The following RIPOR3 variants were observed in gnomAD, a reference collection of about 807,000 sequenced individuals.
The protein encoded by RIPOR3 is RIPOR family member 3.
RIPOR3 carries 95 observed loss-of-function variants against 114.3 expected under a neutral mutation model. The ratio of observed to expected loss-of-function variants is 0.83; its 90% CI spans 0.70 to 0.99. RIPOR3 has a LOEUF of 0.99. Ranked by LOEUF, RIPOR3 falls within the 50% of genes least tolerant of loss-of-function variation. The pLI is 0.00. For missense variants in RIPOR3, 1,252 were observed against 1,266.9 expected (o/e 0.99, Z 0.18); for synonymous variants, 575 against 543.8 (o/e 1.06, Z -0.80).
chr20:50,613,213 C>T (rs11697246), intron 4 of RIPOR3, among the ~76,000 whole-genome samples: 2,308 of 152,096 alleles, frequency 0.015, 23 homozygotes, highest in East Asian at 0.024. Context: ...TTTGGGAGGC[C>T]GAGGTGAGTG....
chr20:50,595,318 G>C, intron 16 of RIPOR3, 51 bp downstream of exon 16: 1 of 1,594,526 alleles, frequency 6.3e-7, no homozygotes, highest in Non-Finnish European at 8.6e-7. Context: ...CTTTGATCCC[G>C]TCCCCGTGCC....
chr20:50,666,199 T>TTTCTTTTTTTCC (rs2086215683), intron 1 of RIPOR3, among the ~76,000 whole-genome samples: 1 of 102,834 alleles, frequency 9.7e-6, no homozygotes, highest in African/African-American at 4.9e-5. Context: ...TTTCTTTTCT[T>TTTCTTTTTTTCC]TTCTTTTCTT....
intron 3 of RIPOR3, among the ~76,000 whole-genome samples, chr20:50,618,349 G>T (rs902538135): frequency 2.0e-5 from 3 of 148,876 alleles, no homozygotes; most frequent in African/African-American, 7.5e-5. Context: ...TATATCTGGG[G>T]AAAATCACTC....
At chr20:50,608,245 G>T in intron 11 of RIPOR3, 144 bp downstream of exon 11, 1 of 1,140,130 alleles carries the variant, frequency 8.8e-7, no homozygotes, top group Non-Finnish European at 1.2e-6. Context: ...TGACTGAGGG[G>T]TGGGAGTGAG....
At chr20:50,645,447 G>A (rs2123359443) in intron 1 of RIPOR3, 1 of 152,428 alleles carries the variant, frequency 6.6e-6, no homozygotes, top group Middle Eastern at 3.4e-3. Context: ...AGGGCGAGGT[G>A]GGGCCGGGGG....
At chr20:50,649,751 G>C (rs1025945549) in intron 1 of RIPOR3, among the ~76,000 whole-genome samples, 1 of 152,234 alleles carries the variant, frequency 6.6e-6, no homozygotes. Flanking sequence ...TGAGTTTACA[G>C]GGAAGCGCTC....
intron 1 of RIPOR3, among the ~76,000 whole-genome samples, chr20:50,666,183 A>ATTTCTTTTTTC (rs534286175): frequency 0.014 from 608 of 43,660 alleles, 155 homozygotes; most frequent in South Asian, 0.052. Context: ...AAGGACACCC[A>ATTTCTTTTTTC]TTTCTTTTCT....
At chr20:50,605,727 G>A (rs550427879) in intron 11 of RIPOR3, among the ~76,000 whole-genome samples, 2 of 151,522 alleles carry the variant, frequency 1.3e-5, no homozygotes, top group East Asian at 1.9e-4. Context: ...GCAGTGAGCC[G>A]AGATCATGCC....
rs746052863 is a variant in RIPOR3 at position 50,592,351 on chromosome 20, C to G, written c.2570G>C (p.Arg857Pro). Residue 857 changes from arginine to proline, a missense_variant, in exon 19 of 22, where the codon CGG becomes CCG. By Grantham distance (103) the Arg-to-Pro change is moderately radical. Coordinates refer to ENST00000327979, the MANE Select transcript of RIPOR3 (RefSeq NM_001290268.2). Reference sequence around the variant, plus strand: ...CTGCCCTGGACAACGTACCTTTTCCCGGAAGCTTCTGTTCCTGACTGCACC... The same window carrying G: ...CTGCCCTGGACAACGTACCTTTTCCGGGAAGCTTCTGTTCCTGACTGCACC... Reference protein sequence around the residue: ...LAGAVRNRSFREKALLFYTNA... With the variant: ...LAGAVRNRSFPEKALLFYTNA... 1 of 1,570,886 alleles carries G rather than the reference C, an allele frequency of 6.4e-7. No homozygotes were observed. The highest frequency in any genetic ancestry group is 8.7e-7 in the Non-Finnish European group (1 of 1,153,334).
intron 12 of RIPOR3, among the ~76,000 whole-genome samples, chr20:50,603,428 G>A (rs536000596): frequency 2.0e-5 from 3 of 152,088 alleles, no homozygotes; most frequent in Non-Finnish European, 2.9e-5. Flanking sequence ...TAGTAGAGAC[G>A]GGGTTTCACC....
intron 15 of RIPOR3, 137 bp from the exon 16 acceptor site, chr20:50,595,641 C>A (rs534744467): frequency 5.5e-6 from 7 of 1,266,446 alleles, no homozygotes; most frequent in Non-Finnish European, 7.6e-6. Flanking sequence ...TTGGGGATTC[C>A]CCTTTCACCA....
chr20:50,666,222 C>CTTTT (rs199682722), intron 1 of RIPOR3, among the ~76,000 whole-genome samples: 1 of 98,566 alleles, frequency 1.0e-5, no homozygotes, highest in Non-Finnish European at 2.1e-5. Context: ...CTTTTCTTTT[C>CTTTT]TTTTTTGAGA....
intron 1 of RIPOR3, among the ~76,000 whole-genome samples, chr20:50,633,083 G>A (rs2084871135): frequency 6.6e-6 from 1 of 152,164 alleles, no homozygotes; most frequent in Admixed American, 6.5e-5. Flanking sequence ...GGGCTACATG[G>A]TGAAGCCCCG....
intron 1 of RIPOR3, among the ~76,000 whole-genome samples, chr20:50,683,888 G>A (rs545647496): frequency 2.0e-5 from 3 of 151,986 alleles, no homozygotes; most frequent in East Asian, 3.9e-4. Context: ...CAAGACCAAC[G>A]TGGCCAACAT....
rs2123121732 is a variant in RIPOR3, at chr20:50,616,011, A to G, written c.339T>C (p.Asn113=). ...CAGGGAGGGGTCTCACCAGCCTGGA[A>G]TTCCTCCTGGTGTCTTTGTGGCGTC... ...LSGRHKDTRR[N]SRLAFYYDLD... The change falls in exon 4 of 22, where the codon AAT becomes AAC. Residue 113 remains asparagine, a synonymous_variant. Coordinates refer to ENST00000327979, the MANE Select transcript of RIPOR3 (RefSeq NM_001290268.2). 1.2e-6 allele frequency: 2 copies of G among 1,608,550 alleles called. No individual in the cohort carries two copies. Among genetic ancestry groups the G allele is most frequent in the East Asian group, 4.5e-5 (2 of 44,822 alleles).
At chr20:50,678,749 G>A (rs947646852) in intron 1 of RIPOR3, among the ~76,000 whole-genome samples, 13 of 152,192 alleles carry the variant, frequency 8.5e-5, no homozygotes, top group South Asian at 2.1e-4. Flanking sequence ...CTTTGCACAT[G>A]GTGGAGGCTC....
intron 9 of RIPOR3, 67 bp downstream of exon 9, chr20:50,608,845 C>A: frequency 6.2e-7 from 1 of 1,608,818 alleles, no homozygotes; most frequent in Non-Finnish European, 8.5e-7. Flanking sequence ...CCCTGGTTCC[C>A]AGCAGCTCCC....
chr20:50,600,227 A>ATG (rs751688467), intron 13 of RIPOR3, among the ~76,000 whole-genome samples: 1 of 152,096 alleles, frequency 6.6e-6, no homozygotes, highest in Non-Finnish European at 1.5e-5. Flanking sequence ...ATTTGCATAA[A>ATG]TGTGTGTGTG....
intron 1 of RIPOR3, among the ~76,000 whole-genome samples, chr20:50,638,687 TGAAGGAAGATAAA>T (rs1385796904): frequency 7.7e-4 from 116 of 150,648 alleles, no homozygotes; most frequent in East Asian, 3.6e-3. Context: ...GTGTGGGGGA[TGAAGGAAGATAAA>T]GATGGGGTAG....
Sources: gnomAD v4.1 joint callset for allele counts (sites outside exome capture counted in the v4.1 genomes callset) on GRCh38, gnomAD v4.1.1 for gene constraint, MANE v1.5 for transcripts, NCBI Gene and HGNC (gene_info 2026-07-23, HGNC 2026-07-21) for gene names.